The following BOP1 variants were observed in gnomAD, a reference collection of about 807,000 sequenced individuals.
BOP1 encodes BOP1 ribosomal biogenesis factor, also known as ribosome biogenesis protein BOP1.
A neutral mutation model predicts 82.9 loss-of-function variants in BOP1; 54 were observed. The ratio of observed to expected loss-of-function variants is 0.65; its 90% CI spans 0.52 to 0.82. The LOEUF is 0.82. BOP1 is among the 40% of genes least tolerant of loss of function. The pLI is 0.00. For missense variants in BOP1, 1,170 were observed against 1,072.0 expected, an observed-to-expected ratio of 1.09 and a Z score of -1.28; for synonymous variants, 566 against 451.1, an observed-to-expected ratio of 1.25 and a Z score of -3.23.
At chr8:144,278,523 G>A (rs1397426245) in intron 2 of BOP1, among the ~76,000 whole-genome samples, 1 of 152,256 alleles carries the variant, frequency 6.6e-6, no homozygotes, top group East Asian at 1.9e-4. Flanking sequence ...TCCTGGGAGA[G>A]GATGGCGACA....
At chr8:144,268,151 C>G (rs1040354892) in intron 3 of BOP1, 1 of 1,550,842 alleles carries the variant, frequency 6.4e-7, no homozygotes, top group Non-Finnish European at 8.7e-7. Context: ...AGGAGGTGGC[C>G]GGCAGCAGCC....
intron 3 of BOP1, among the ~76,000 whole-genome samples, chr8:144,273,530 GC>G (rs1554838046): frequency 1.3e-5 from 2 of 152,252 alleles, no homozygotes; most frequent in Non-Finnish European, 2.9e-5. Flanking sequence ...GACAAACACG[GC>G]CACAGGCAGG....
intron 3 of BOP1, chr8:144,265,462 G>A (rs1013376628): frequency 1.3e-4 from 41 of 304,412 alleles, no homozygotes; most frequent in East Asian, 3.0e-4. Flanking sequence ...ACGGGGACTC[G>A]GGGAAGACCC....
intron 3 of BOP1, among the ~76,000 whole-genome samples, chr8:144,271,543 T>A (rs1173848382): frequency 1.3e-5 from 2 of 152,116 alleles, no homozygotes; most frequent in African/African-American, 4.8e-5. Context: ...CACACGGCCT[T>A]CCTGTGCGAC....
chr8:144,273,213 C>A (rs1845520564), intron 3 of BOP1, among the ~76,000 whole-genome samples: 1 of 152,218 alleles, frequency 6.6e-6, no homozygotes, highest in African/African-American at 2.4e-5. Flanking sequence ...CTGGAGGCAG[C>A]TGCCGGTTCA....
intron 4 of BOP1, 39 bp downstream of exon 4, chr8:144,264,878 G>A: frequency 3.1e-6 from 5 of 1,607,238 alleles, no homozygotes; most frequent in South Asian, 1.1e-5. Context: ...CACCCCTCGG[G>A]CCCACCCCGG....
intron 3 of BOP1, 26 bp from the exon 4 acceptor site, chr8:144,265,097 C>T: frequency 6.3e-7 from 1 of 1,599,408 alleles, no homozygotes; most frequent in Non-Finnish European, 8.5e-7. Context: ...ACCATGTCGG[C>T]ATCTGATCCT....
intron 2 of BOP1, among the ~76,000 whole-genome samples, chr8:144,284,166 G>A (rs572009659): frequency 3.3e-5 from 5 of 152,122 alleles, no homozygotes; most frequent in East Asian, 1.9e-4. Context: ...GCATGGTGGC[G>A]GGGACCCTGT....
chr8:144,271,561 C>T lies in BOP1; in HGVS notation c.390+4663G>A, dbSNP rs1002791248. Among the ~76,000 whole-genome samples, 28 of 152,282 alleles carry T rather than the reference C, an allele frequency of 1.8e-4. 1 individual carries two copies. Among genetic ancestry groups the T allele is most frequent in the African/African-American group, 6.5e-4 (27 of 41,558 alleles). On this transcript the variant is annotated intron_variant, in intron 3 of 15. Transcript: ENST00000569669. ...ACGGCCTTCCTGTGCGACGTGAGGC[C>T]GCCTCCTCTTCCTCAGGGTTTTATC...
rs527379444 is a variant in BOP1, at chr8:144,282,806, C to G, written c.309+6289G>C. Among the ~76,000 whole-genome samples the G allele has an allele frequency of 3.3e-5, 5 of 152,260 alleles. 1 individual carries two copies. The South Asian group carries it at 1.0e-3, about 32-fold the overall frequency. On this transcript the variant is annotated intron_variant, in intron 2 of 15. Coordinates refer to ENST00000569669, the MANE Select transcript of BOP1 (RefSeq NM_015201.5). ...CAGTCAGGGGAGGAGCTGCAAAGGG[C>G]ACAGCCAGACCCTGCTCCTTGAGTG...
intron 3 of BOP1, among the ~76,000 whole-genome samples, chr8:144,272,941 G>A (rs2130231056): frequency 6.6e-6 from 1 of 152,272 alleles, no homozygotes; most frequent in African/African-American, 2.4e-5. Flanking sequence ...TCAGTGGAAA[G>A]GGACCAGACC....
Position 144,262,666 on chromosome 8 carries a change from T to C in BOP1, c.1901A>G (p.Asn634Ser), listed in dbSNP as rs1308739869. ...GCTATCGTAGCTCCCACAGATGACGTTGTCACCTAGGGCCAAAGGCTGTGA... is the reference window on the plus strand; with the variant it reads ...GCTATCGTAGCTCCCACAGATGACGCTGTCACCTAGGGCCAAAGGCTGTGA... ...SSLAVHPAGD[N>S]VICGSYDSKL... The change falls in exon 14 of 16, where the codon AAC (asparagine) becomes AGC (serine). Residue 634 changes from asparagine to serine, a missense_variant. Physicochemically the swap from Asn to Ser is conservative, Grantham distance 46 (BLOSUM62 1). Transcript: ENST00000569669. 4 of 1,613,246 alleles carry C rather than the reference T, an allele frequency of 2.5e-6. No individual in the cohort carries two copies. The highest frequency in any genetic ancestry group is 3.4e-6 in the Non-Finnish European group (4 of 1,179,774).
chr8:144,275,026 C>A (rs1463372336), intron 3 of BOP1, among the ~76,000 whole-genome samples: 9 of 152,000 alleles, frequency 5.9e-5, no homozygotes, highest in Admixed American at 5.9e-4. Flanking sequence ...GTTCTCTGAA[C>A]GCGCAGCAGA....
At position 144,289,189 on chromosome 8, in the gene BOP1, T is replaced by C; in HGVS notation, c.215A>G (p.Glu72Gly). 6.2e-7 allele frequency: 1 copy of C among 1,614,232 alleles called. No homozygotes were observed. The highest frequency in any genetic ancestry group is 8.5e-7 in the Non-Finnish European group (1 of 1,180,042). Reference protein sequence around the residue: ...GLEDSGSDSSEDDDEGDEEGE... With the variant: ...GLEDSGSDSSGDDDEGDEEGE... ...CTCCTCGTCGCCTTCGTCATCATCC[T>C]CACTGCTGTCACTGCCGGAATCTTC... Residue 72 changes from glutamate to glycine, a missense_variant, in exon 2 of 16, where the codon GAG (glutamate) becomes GGG (glycine). Glu to Gly is a moderately conservative substitution (Grantham distance 98). Coordinates refer to ENST00000569669, the MANE Select transcript of BOP1 (RefSeq NM_015201.5).
chr8:144,271,425 G>A (rs1315817891), intron 3 of BOP1, among the ~76,000 whole-genome samples: 14 of 151,976 alleles, frequency 9.2e-5, no homozygotes, highest in Non-Finnish European at 1.3e-4. Context: ...GGGGTCAGCC[G>A]CCCTCGCTCC....
intron 3 of BOP1, among the ~76,000 whole-genome samples, chr8:144,267,401 C>G (rs1259637597): frequency 6.6e-6 from 1 of 152,156 alleles, no homozygotes; most frequent in African/African-American, 2.4e-5. Context: ...GAGTCCCCTG[C>G]AGGGAGCTGC....
intron 3 of BOP1, among the ~76,000 whole-genome samples, chr8:144,269,522 G>T (rs1845455713): frequency 6.6e-6 from 1 of 152,230 alleles, no homozygotes; most frequent in Non-Finnish European, 1.5e-5. Flanking sequence ...GTGTAATTTT[G>T]GAGGAAATTC....
intron 2 of BOP1, among the ~76,000 whole-genome samples, chr8:144,278,158 C>T (rs1367396613): frequency 3.9e-5 from 6 of 152,182 alleles, no homozygotes; most frequent in African/African-American, 7.2e-5. Flanking sequence ...AGAGAGTGGG[C>T]GGGCGAGCGC....
At chr8:144,267,086 C>A in intron 3 of BOP1, 1 of 1,375,836 alleles carries the variant, frequency 7.3e-7, no homozygotes. Flanking sequence ...GCCGGCAGCC[C>A]CCCGCCGCCG....
Sources: gnomAD v4.1 joint callset for allele counts (sites outside exome capture counted in the v4.1 genomes callset) on GRCh38, gnomAD v4.1.1 for gene constraint, MANE v1.5 for transcripts, NCBI Gene and HGNC (gene_info 2026-07-23, HGNC 2026-07-21) for gene names.